Variants in KCNMB3 observed in about 807,000 individuals in gnomAD.
KCNMB3 encodes the protein potassium calcium-activated channel subfamily M regulatory beta subunit 3, also known as calcium-activated potassium channel subunit beta-3.
A neutral mutation model predicts 11.9 loss-of-function variants in KCNMB3; 18 were observed. The observed-to-expected ratio is 1.51, with a 90% confidence interval of 1.04 to 2.23. The LOEUF is 2.23. KCNMB3 is among the 30% of genes most tolerant of loss of function. The pLI is 0.00. For missense variants in KCNMB3, 247 were observed against 329.4 expected (o/e 0.75, Z 1.94); for synonymous variants, 78 against 119.2 (o/e 0.65, Z 2.25).
intron 1 of KCNMB3, among the ~76,000 whole-genome samples, chr3:179,256,787 A>G (rs1181712739): frequency 6.6e-6 from 1 of 152,202 alleles, no homozygotes; most frequent in Non-Finnish European, 1.5e-5. Flanking sequence ...ATAGCACAAA[A>G]TAACATGATA....
intron 1 of KCNMB3, among the ~76,000 whole-genome samples, chr3:179,257,490 A>G (rs1263841487): frequency 1.3e-5 from 2 of 152,220 alleles, no homozygotes; most frequent in East Asian, 1.9e-4. Flanking sequence ...TAGAAAACAG[A>G]TATTTTCTTC....
chr3:179,259,205 T>C, intron 1 of KCNMB3: 1 of 1,541,986 alleles, frequency 6.5e-7, no homozygotes, highest in Non-Finnish European at 8.7e-7. Flanking sequence ...CACACCTCTC[T>C]GTACTTTCTG....
Position 179,242,892 on chromosome 3 carries a change from T to TTGGCCACCGTC in KCNMB3, c.*1_*11dup, listed in dbSNP as rs1725500331. The stretch of plus-strand genomic sequence containing the variant: ...GACATCTGAAGGCCAGCACTTTAAT[T>TTGGCCACCGTC]TGGCCACCGTCTTAAGATTTCTCTG... On this transcript the variant is annotated 3_prime_UTR_variant, in exon 3 of 3. Transcript: ENST00000392685. 1.3e-6 allele frequency: 2 copies of TTGGCCACCGTC among 1,568,122 alleles called. No homozygotes were observed. Among genetic ancestry groups the TTGGCCACCGTC allele is most frequent in the East Asian group, 4.5e-5 (2 of 44,554 alleles).
chr3:179,241,165 A>G (rs1161192926), downstream of KCNMB3: 4 of 152,092 alleles, frequency 2.6e-5, no homozygotes, highest in African/African-American at 9.7e-5. Context: ...ATGATCTAAC[A>G]TTTTTGAGCA....
chr3:179,261,039 G>A (rs1253588819), intron 1 of KCNMB3: 1 of 1,012,414 alleles, frequency 9.9e-7, no homozygotes, highest in Non-Finnish European at 1.6e-6. Flanking sequence ...GTCCCACCCA[G>A]AAAGGCCAGC....
At chr3:179,254,533 A>G (rs777283534), upstream of KCNMB3, among the ~76,000 whole-genome samples, 6 of 152,194 alleles carry the variant, frequency 3.9e-5, no homozygotes, top group Non-Finnish European at 5.9e-5. Context: ...TCTATAGGCC[A>G]GGCGCAATGG....
At chr3:179,250,027 G>A (rs116676086) in intron 1 of KCNMB3, among the ~76,000 whole-genome samples, 8,584 of 151,968 alleles carry the variant, frequency 0.056, 270 homozygotes, top group East Asian at 0.094. Flanking sequence ...CATGTACCCC[G>A]GAACTTAAAA....
At chr3:179,255,288 G>T (rs1725977525), upstream of KCNMB3, among the ~76,000 whole-genome samples, 1 of 151,378 alleles carries the variant, frequency 6.6e-6, no homozygotes, top group Non-Finnish European at 1.5e-5. Context: ...AAAAATTTCA[G>T]ATATTTGCAT....
upstream of KCNMB3, chr3:179,251,318 G>A (rs1479032830): frequency 3.5e-6 from 5 of 1,442,318 alleles, no homozygotes; most frequent in African/African-American, 1.4e-5. Flanking sequence ...AATTCCACAT[G>A]GAAAGAATGA....
intron 2 of KCNMB3, among the ~76,000 whole-genome samples, chr3:179,243,845 A>G (rs1378434096): frequency 6.6e-6 from 1 of 152,208 alleles, no homozygotes; most frequent in East Asian, 1.9e-4. Context: ...CTTGAGGTTT[A>G]TTACCATATC....
downstream of KCNMB3, chr3:179,240,264 T>C: frequency 2.0e-6 from 1 of 512,324 alleles, no homozygotes; most frequent in African/African-American, 2.0e-5. Context: ...TCTGAAACTA[T>C]TATACCTTAA....
chr3:179,261,244 C>T, intron 1 of KCNMB3: 2 of 1,335,524 alleles, frequency 1.5e-6, no homozygotes, highest in Non-Finnish European at 2.0e-6. Flanking sequence ...AGTAGATCTC[C>T]CGGCTCTGCG....
At chr3:179,261,136 C>T in intron 1 of KCNMB3, 10 of 1,331,256 alleles carry the variant, frequency 7.5e-6, no homozygotes, top group Non-Finnish European at 9.5e-6. Flanking sequence ...TCTGCTGCCG[C>T]TCCAGCTCCT....
rs935789000 is a variant in KCNMB3 at position 179,246,269 on chromosome 3, G to C, written c.249-1576C>G. Among the ~76,000 whole-genome samples the C allele has an allele frequency of 8.5e-5, 13 of 152,218 alleles. No individual in the cohort carries two copies. In the South Asian group the frequency reaches 2.7e-3, roughly 32 times the overall value. Reference sequence around the variant, plus strand: ...TTCACTGAAAATACAAAAATTAGCTGGGCATGGTGGCCGGCACCTGTAATC... The same window carrying C: ...TTCACTGAAAATACAAAAATTAGCTCGGCATGGTGGCCGGCACCTGTAATC... On this transcript the variant is annotated intron_variant, in intron 1 of 2. Coordinates refer to ENST00000392685, the MANE Select transcript of KCNMB3 (RefSeq NM_171830.2).
intron 1 of KCNMB3, among the ~76,000 whole-genome samples, chr3:179,264,534 C>T (rs917268459): frequency 3.3e-5 from 5 of 152,136 alleles, no homozygotes; most frequent in Non-Finnish European, 7.4e-5. Flanking sequence ...ATATCCACCA[C>T]CTTCTATTCT....
intron 1 of KCNMB3, among the ~76,000 whole-genome samples, chr3:179,257,408 G>A (rs1445949045): frequency 6.6e-6 from 1 of 152,110 alleles, no homozygotes; most frequent in African/African-American, 2.4e-5. Flanking sequence ...CATTCATAAG[G>A]TACATTCCTT....
intron 1 of KCNMB3, among the ~76,000 whole-genome samples, chr3:179,261,689 T>G (rs1005726134): frequency 6.6e-6 from 1 of 152,258 alleles, no homozygotes; most frequent in Non-Finnish European, 1.5e-5. Flanking sequence ...CGATATGCAG[T>G]ACCCTACTCT....
intron 1 of KCNMB3, among the ~76,000 whole-genome samples, chr3:179,261,880 C>T (rs1304048429): frequency 6.6e-6 from 1 of 152,098 alleles, no homozygotes; most frequent in Non-Finnish European, 1.5e-5. Context: ...ACAAAAGATA[C>T]ATCTAAAACA....
chr3:179,254,602 A>G (rs1474429595), upstream of KCNMB3, among the ~76,000 whole-genome samples: 1 of 152,096 alleles, frequency 6.6e-6, no homozygotes, highest in Non-Finnish European at 1.5e-5. Context: ...TGAAGTCAGG[A>G]GATCGAGACC....
Sources: gnomAD v4.1 joint callset for allele counts (sites outside exome capture counted in the v4.1 genomes callset) on GRCh38, gnomAD v4.1.1 for gene constraint, MANE v1.5 for transcripts, NCBI Gene and HGNC (gene_info 2026-07-23, HGNC 2026-07-21) for gene names.